Variants in ARHGAP12 observed in about 807,000 individuals in gnomAD.
ARHGAP12 encodes rho GTPase-activating protein 12.
A neutral mutation model predicts 108.6 loss-of-function variants in ARHGAP12; 64 were observed. The ratio of observed to expected loss-of-function variants is 0.59; its 90% CI spans 0.48 to 0.73. The LOEUF is 0.73. Ranked by LOEUF, ARHGAP12 falls within the 30% of genes least tolerant of loss-of-function variation. ARHGAP12 has a pLI of 0.00. For missense variants in ARHGAP12, 940 were observed against 1,005.9 expected (o/e 0.93, Z 0.89); for synonymous variants, 312 against 337.2 (o/e 0.93, Z 0.82).
At chr10:31,833,298 A>C (rs920178910) in intron 9 of ARHGAP12, among the ~76,000 whole-genome samples, 1 of 151,152 alleles carries the variant, frequency 6.6e-6, no homozygotes, top group South Asian at 2.1e-4. Context: ...GGTGGGAATT[A>C]AGCCCATTTT....
intron 3 of ARHGAP12, among the ~76,000 whole-genome samples, chr10:31,892,392 C>T (rs2998362): frequency 0.46 from 69,885 of 151,664 alleles, 16,369 homozygotes; most frequent in Middle Eastern, 0.51. Flanking sequence ...CACACATAGG[C>T]TCAAAATAAA....
chr10:31,899,951 A>C lies in ARHGAP12; in HGVS notation c.684+8221T>G, dbSNP rs73253376. On this transcript the variant is annotated intron_variant, in intron 3 of 19. Coordinates refer to ENST00000344936, the MANE Select transcript of ARHGAP12 (RefSeq NM_018287.7). ...ATGAAAAGACAAGCTACAGACTGGA[A>C]GTATTTGTAAAACATACATCTGATT... 7.9e-3 allele frequency among the ~76,000 whole-genome samples: 1,207 copies of C among 152,312 alleles called. 19 individuals carry two copies. The highest frequency in any genetic ancestry group is 0.028 in the African/African-American group (1,147 of 41,582).
intron 15 of ARHGAP12, among the ~76,000 whole-genome samples, chr10:31,811,604 T>C (rs1835021769): frequency 6.7e-6 from 1 of 149,922 alleles, no homozygotes; most frequent in African/African-American, 2.5e-5. Context: ...TCAAATGCTT[T>C]ATTGGAGAGT....
chr10:31,898,476 C>T (rs868356617), intron 3 of ARHGAP12, among the ~76,000 whole-genome samples: 33 of 152,264 alleles, frequency 2.2e-4, no homozygotes, highest in African/African-American at 7.2e-4. Context: ...TGGTCCTGAT[C>T]TCTTGACCTC....
At chr10:31,923,844 A>G (rs1006294397) in intron 1 of ARHGAP12, among the ~76,000 whole-genome samples, 4 of 152,352 alleles carry the variant, frequency 2.6e-5, no homozygotes, top group African/African-American at 4.8e-5. Flanking sequence ...AGAAATGTTC[A>G]TTATCTTGAA....
chr10:31,862,746 ACACAC>A (rs1416685886), intron 3 of ARHGAP12, among the ~76,000 whole-genome samples: 1 of 135,380 alleles, frequency 7.4e-6, no homozygotes, highest in East Asian at 2.0e-4. Flanking sequence ...ACACACACAC[ACACAC>A]GCCTCCGACG....
At chr10:31,915,252 A>G in intron 1 of ARHGAP12, among the ~76,000 whole-genome samples, 1 of 152,002 alleles carries the variant, frequency 6.6e-6, no homozygotes, top group Non-Finnish European at 1.5e-5. Flanking sequence ...CAGGCGTGGT[A>G]GCGCATGCCT....
At chr10:31,883,010 C>T (rs565259499) in intron 3 of ARHGAP12, among the ~76,000 whole-genome samples, 1 of 150,872 alleles carries the variant, frequency 6.6e-6, no homozygotes, top group African/African-American at 2.4e-5. Context: ...AATATCTACT[C>T]TTGGGCCGGG....
At chr10:31,808,887 ATC>A (rs1564362261) in intron 18 of ARHGAP12, 105 bp downstream of exon 18, 20 of 1,376,478 alleles carry the variant, frequency 1.5e-5, no homozygotes, top group Non-Finnish European at 1.8e-5. Context: ...GAGTAAAACA[ATC>A]TGTTGAAAAT....
intron 4 of ARHGAP12, among the ~76,000 whole-genome samples, chr10:31,857,819 T>G (rs1459722591): frequency 6.6e-6 from 1 of 152,216 alleles, no homozygotes; most frequent in Non-Finnish European, 1.5e-5. Context: ...TAGAACTATA[T>G]ACCCATGTTC....
intron 6 of ARHGAP12, among the ~76,000 whole-genome samples, chr10:31,846,644 G>A (rs1180277403): frequency 3.9e-5 from 6 of 152,144 alleles, no homozygotes; most frequent in Non-Finnish European, 8.8e-5. Flanking sequence ...CTTTATCAGG[G>A]GGAGGGAGGG....
In ARHGAP12 at chr10:31,922,066, C is replaced by A. The variant is rs932654094; in HGVS notation, c.-111+6617G>T. On this transcript the variant is annotated intron_variant, in intron 1 of 19. Coordinates refer to ENST00000344936, the MANE Select transcript of ARHGAP12 (RefSeq NM_018287.7). ...ATTAGCCGGGTGTGGTTGGCATGTG[C>A]CTGTGGTCCCAGCTACTCAGGAGGC... 6.0e-5 allele frequency among the ~76,000 whole-genome samples: 9 copies of A among 150,790 alleles called. 1 individual carries two copies. The highest frequency in any genetic ancestry group is 2.2e-4 in the African/African-American group (9 of 41,142).
chr10:31,912,134 T>C (rs1387498524), intron 1 of ARHGAP12, among the ~76,000 whole-genome samples: 1 of 152,260 alleles, frequency 6.6e-6, no homozygotes, highest in Non-Finnish European at 1.5e-5. Flanking sequence ...TTTGATCATT[T>C]ACCTATACAA....
chr10:31,918,350 C>T (rs1564434922), intron 1 of ARHGAP12, among the ~76,000 whole-genome samples: 1 of 149,428 alleles, frequency 6.7e-6, no homozygotes, highest in African/African-American at 2.5e-5. Flanking sequence ...CACACACACA[C>T]ACACACACAC....
rs559738953 is a variant in ARHGAP12 at position 31,817,720 on chromosome 10, A to G, written c.1731+68T>C. The G allele has an allele frequency of 2.8e-5, 28 of 1,017,792 alleles. No individual in the cohort carries two copies. In the African/African-American group the frequency reaches 3.9e-4, roughly 14 times the overall value. The allele number at this position is 1,017,792 out of a possible 1,614,324, so 63.0% of individuals were successfully genotyped here. ...ATATAGATTGCAATCCGGATATCCA[A>G]TAAGCAATTAAAAAAAAAAAAGAAA... is the stretch of plus-strand genomic sequence containing the variant. On this transcript the variant is annotated intron_variant, in intron 13 of 19. Coordinates refer to ENST00000344936, the MANE Select transcript of ARHGAP12 (RefSeq NM_018287.7).
At chr10:31,904,207 CTAGA>C (rs774584902) in intron 3 of ARHGAP12, among the ~76,000 whole-genome samples, 2 of 152,124 alleles carry the variant, frequency 1.3e-5, no homozygotes, top group Non-Finnish European at 2.9e-5. Context: ...TGGAAACAAC[CTAGA>C]TATTCTTTTA....
intron 1 of ARHGAP12, among the ~76,000 whole-genome samples, chr10:31,923,653 T>C (rs1280161217): frequency 6.6e-6 from 1 of 152,188 alleles, no homozygotes; most frequent in Non-Finnish European, 1.5e-5. Flanking sequence ...CAAAATAATT[T>C]TCTTGAGTGA....
chr10:31,921,163 G>A (rs1839789451), intron 1 of ARHGAP12, among the ~76,000 whole-genome samples: 1 of 152,088 alleles, frequency 6.6e-6, no homozygotes, highest in Non-Finnish European at 1.5e-5. Flanking sequence ...ATATGCACCT[G>A]TAGTCCCAGC....
intron 13 of ARHGAP12, among the ~76,000 whole-genome samples, chr10:31,815,562 T>C (rs1417665290): frequency 6.6e-6 from 1 of 152,152 alleles, no homozygotes; most frequent in Non-Finnish European, 1.5e-5. Context: ...GTTTTTTGCA[T>C]TTCTATATAA....
Sources: allele counts gnomAD v4.1 joint callset (sites outside exome capture counted in the v4.1 genomes callset), GRCh38; gene constraint gnomAD v4.1.1; transcripts MANE v1.5; gene names NCBI Gene and HGNC (gene_info 2026-07-23, HGNC 2026-07-21).